The following HAND2 variants were observed in gnomAD, a reference collection of about 807,000 sequenced individuals.
HAND2 encodes the protein heart and neural crest derivatives expressed 2, also known as heart- and neural crest derivatives-expressed protein 2.
A neutral mutation model predicts 14.7 loss-of-function variants in HAND2; 2 were observed. The observed-to-expected ratio is 0.14, with a 90% CI of 0.06 to 0.43. The LOEUF (loss-of-function observed/expected upper bound fraction) is 0.43, where lower values mean the gene tolerates loss of function less well. Among genes scored for constraint, HAND2 ranks in the 20% least tolerant of loss-of-function variants. HAND2 has a pLI of 0.99. For synonymous variants in HAND2, 162 were observed against 135.9 expected (o/e 1.19, Z -1.34); for missense variants, 275 against 313.6 (o/e 0.88, Z 0.93).
Position 173,527,190 on chromosome 4 carries a change from C to T in HAND2, c.*87G>A, listed in dbSNP as rs747041178. 8 of 854,816 alleles carry T rather than the reference C, an allele frequency of 9.4e-6. No individual in the cohort carries two copies. The highest frequency in any genetic ancestry group is 1.4e-5 in the Non-Finnish European group (7 of 498,756). 53.0% of individuals were successfully genotyped at this position (854,816 alleles called of 1,614,324 possible). A position where few individuals can be genotyped will look rare whatever the true frequency, so the allele number is the denominator to read the frequency against. On this transcript the variant is annotated 3_prime_UTR_variant, in exon 2 of 2. Transcript: ENST00000359562. ...TGCAAGGAGTCCTCAGAGCGGAGCGCGGACGGCTTTTCCGGAGTCCTGGGT... is the reference window on the plus strand; with the variant it reads ...TGCAAGGAGTCCTCAGAGCGGAGCGTGGACGGCTTTTCCGGAGTCCTGGGT...
In HAND2 at chr4:173,528,753, C is replaced by G; in HGVS notation, c.537G>C (p.Glu179Asp). ...AEIKKTDVKE[E>D]KRKKELNEIL... ...TACTGACCAGCTCCTTCTTCCTCTT[C>G]TCCTCTTTCACGTCGGTCTTCTTGA... Residue 179 changes from glutamate (E) to aspartate (D), a missense_variant, in exon 1 of 2, where the codon GAG becomes GAC. This residue lies in a region of HAND2 where 54 missense variants were observed against 54.3 expected (regional missense o/e 0.99). Transcript: ENST00000359562. The surrounding 1 kb of genome is among the most constrained non-coding windows in gnomAD (Gnocchi z 5.6). 6.2e-7 allele frequency: 1 copy of G among 1,613,964 alleles called. No homozygotes were observed. The highest frequency in any genetic ancestry group is 8.5e-7 in the Non-Finnish European group (1 of 1,179,916).
rs1392225117 is a variant in HAND2 at position 173,529,347 on chromosome 4, G to T, written c.-58C>A. ...GTGCGCGCAGCCCCGCCGCGCCCTC[G>T]GCCCGGGCCCCTGCCTCAGCGCTCG... On this transcript the variant is annotated 5_prime_UTR_variant, in exon 1 of 2. Coordinates refer to ENST00000359562, the MANE Select transcript of HAND2 (RefSeq NM_021973.3). 7 of 1,214,020 alleles carry T rather than the reference G, an allele frequency of 5.8e-6. No homozygotes were observed. The highest frequency in any genetic ancestry group is 7.2e-6 in the Non-Finnish European group (7 of 972,604). 75.2% of individuals were successfully genotyped at this position (1,214,020 alleles called of 1,614,324 possible).
Position 173,526,948 on chromosome 4 carries a change from G to T in HAND2, c.*329C>A, listed in dbSNP as rs1335506403. On this transcript the variant is annotated 3_prime_UTR_variant, in exon 2 of 2. Coordinates refer to ENST00000359562, the MANE Select transcript of HAND2 (RefSeq NM_021973.3). ...AGTAGGTTGGCGGGGGGCAACGCTG[G>T]TGTCTACACAGCCAAGAGGGAACAT... 7 of 546,998 alleles carry T rather than the reference G, an allele frequency of 1.3e-5. No homozygotes were observed. Among genetic ancestry groups the T allele is most frequent in the Non-Finnish European group, 2.1e-5 (6 of 285,906 alleles). 33.9% of individuals were successfully genotyped at this position (546,998 alleles called of 1,614,324 possible).
Position 173,526,290 on chromosome 4 carries a change from G to A in HAND2, c.*987C>T, listed in dbSNP as rs1731450873. On this transcript the variant is annotated 3_prime_UTR_variant, in exon 2 of 2. Transcript: ENST00000359562. ...CCTTCTGAGCGAACTGCCGGACTGG[G>A]TTCTCCAGCCCAGATCTTCCTTCTA... The A allele has an allele frequency of 2.0e-5, 3 of 152,238 alleles. No individual in the cohort carries two copies. The highest frequency in any genetic ancestry group is 4.8e-5 in the African/African-American group (2 of 41,430). 9.4% of individuals were successfully genotyped at this position (152,238 alleles called of 1,614,324 possible). A position where few individuals can be genotyped will look rare whatever the true frequency, so the allele number is the denominator to read the frequency against.
chr4:173,529,162 A>C lies in HAND2; in HGVS notation c.128T>G (p.Phe43Cys), dbSNP rs756686416. 1.4e-6 allele frequency: 2 copies of C among 1,475,378 alleles called. No individual in the cohort carries two copies. Among genetic ancestry groups the C allele is most frequent in the Admixed American group, 5.5e-5 (2 of 36,344 alleles). 91.4% of individuals were successfully genotyped at this position (1,475,378 alleles called of 1,614,324 possible). A position where few individuals can be genotyped will look rare whatever the true frequency, so the allele number is the denominator to read the frequency against. The change falls in exon 1 of 2, where the codon TTC becomes TGC. Residue 43 changes from phenylalanine to cysteine, a missense_variant. Phe to Cys is a radical substitution (Grantham distance 205). Transcript: ENST00000359562. The part of the protein sequence containing the change: ...SRCSHEENPY[F>C]HGWLIGHPEM... Reference sequence around the variant, plus strand: ...GGGGTGGCCGATGAGCCAGCCATGGAAGTAGGGGTTCTCCTCATGGCTGCA... The same window carrying C: ...GGGGTGGCCGATGAGCCAGCCATGGCAGTAGGGGTTCTCCTCATGGCTGCA...
chr4:173,526,772 A>T lies in HAND2; in HGVS notation c.*505T>A, dbSNP rs1291714909. 1 of 355,080 alleles carries T rather than the reference A, an allele frequency of 2.8e-6. No individual in the cohort carries two copies. Among genetic ancestry groups the T allele is most frequent in the East Asian group, 7.4e-5 (1 of 13,572 alleles). The allele number at this position is 355,080 out of a possible 1,614,324, so 22.0% of individuals were successfully genotyped here. ...ACCACAGATGAATGGATAGCACTAG[A>T]TACCGACCCCAACGGAAATGTTAGC... On this transcript the variant is annotated 3_prime_UTR_variant, in exon 2 of 2. Coordinates refer to ENST00000359562, the MANE Select transcript of HAND2 (RefSeq NM_021973.3).
rs908341925 is a variant in HAND2, at chr4:173,528,318, T to C, written c.555+417A>G. On this transcript the variant is annotated intron_variant, in intron 1 of 1. Transcript: ENST00000359562. The surrounding 1 kb of genome is among the most constrained non-coding windows in gnomAD (Gnocchi z 5.6). ...GGGGGTGCGATCAATAGTGAAATAA[T>C]TGGAATCAAGGGCTTCTTCGAGACT... is the stretch of plus-strand genomic sequence containing the variant. 3 of 195,600 alleles carry C rather than the reference T, an allele frequency of 1.5e-5. No individual in the cohort carries two copies. The highest frequency in any genetic ancestry group is 1.1e-4 in the Admixed American group (2 of 18,330). 12.1% of individuals were successfully genotyped at this position (195,600 alleles called of 1,614,324 possible).
At chr4:173,527,413 G>T in intron 1 of HAND2, 38 bp from the exon 2 acceptor site, 1 of 1,354,090 alleles carries the variant, frequency 7.4e-7, no homozygotes, top group South Asian at 1.2e-5. Context: ...AAAGTGGAAA[G>T]AGAAATTCAG....
Position 173,528,867 on chromosome 4 carries a change from C to T in HAND2, c.423G>A (p.Leu141=). 1 of 1,614,180 alleles carries T rather than the reference C, an allele frequency of 6.2e-7. No homozygotes were observed. The highest frequency in any genetic ancestry group is 8.5e-7 in the Non-Finnish European group (1 of 1,180,032). ...ADTKLSKIKT[L]RLATSYIAYL... ...AGGCGATGTAGCTGGTGGCCAGGCG[C>T]AGGGTCTTGATTTTGGAGAGTTTGG... is the stretch of plus-strand genomic sequence containing the variant. The change falls in exon 1 of 2, where the codon CTG becomes CTA. Residue 141 remains leucine, a synonymous_variant. Transcript: ENST00000359562. The surrounding 1 kb of genome is among the most constrained non-coding windows in gnomAD (Gnocchi z 5.6).
At position 173,526,977 on chromosome 4, in the gene HAND2, C is replaced by T. The variant is rs1184903623; in HGVS notation, c.*300G>A. 4 of 582,446 alleles carry T rather than the reference C, an allele frequency of 6.9e-6. No homozygotes were observed. The highest frequency in any genetic ancestry group is 6.5e-5 in the Admixed American group (3 of 46,162). The allele number at this position is 582,446 out of a possible 1,614,324, so 36.1% of individuals were successfully genotyped here. A position where few individuals can be genotyped will look rare whatever the true frequency, so the allele number is the denominator to read the frequency against. ...CTACACAGCCAAGAGGGAACATTCA[C>T]GCACACAGAATCTATGAGACGACGG... On this transcript the variant is annotated 3_prime_UTR_variant, in exon 2 of 2. Transcript: ENST00000359562.
rs965767636 is a variant in HAND2 at position 173,526,108 on chromosome 4, C to A, written c.*1169G>T. On this transcript the variant is annotated 3_prime_UTR_variant, in exon 2 of 2. Coordinates refer to ENST00000359562, the MANE Select transcript of HAND2 (RefSeq NM_021973.3). ...TTTTTTTTTTCTTGGATGAAAGCCC[C>A]ATAGTTTGAATTAAACACCCCAGAC... is the stretch of plus-strand genomic sequence containing the variant. The A allele has an allele frequency of 2.6e-5, 4 of 151,720 alleles. No individual in the cohort carries two copies. Among genetic ancestry groups the A allele is most frequent in the Non-Finnish European group, 5.9e-5 (4 of 67,950 alleles). The allele number at this position is 151,720 out of a possible 1,614,324, so 9.4% of individuals were successfully genotyped here.
chr4:173,527,735 C>T (rs1731503338), intron 1 of HAND2: 1 of 254,452 alleles, frequency 3.9e-6, no homozygotes, highest in African/African-American at 2.3e-5. Flanking sequence ...ATCCTAGATC[C>T]ACATCTAGGA....
In HAND2 at chr4:173,529,556, GGCC is replaced by G. The variant is rs930983811; in HGVS notation, c.-270_-268del. 16 of 153,852 alleles carry G rather than the reference GGCC, an allele frequency of 1.0e-4. No homozygotes were observed. Among genetic ancestry groups the G allele is most frequent in the South Asian group, 1.8e-4 (1 of 5,654 alleles). The allele number at this position is 153,852 out of a possible 1,614,324, so 9.5% of individuals were successfully genotyped here. On this transcript the variant is annotated 5_prime_UTR_variant, in exon 1 of 2. Transcript: ENST00000359562. ...GCTGGTCCTGGCACCGTGCGCCCCT[GGCC>G]GCCGCCGCCGCCGCCTCCGGTTCCC... is the stretch of plus-strand genomic sequence containing the variant.
Position 173,529,967 on chromosome 4 carries a change from G to A in HAND2, c.-678C>T, listed in dbSNP as rs926973132. 1 of 151,978 alleles carries A rather than the reference G, an allele frequency of 6.6e-6. No individual in the cohort carries two copies. The highest frequency in any genetic ancestry group is 2.4e-5 in the African/African-American group (1 of 41,348). 9.4% of individuals were successfully genotyped at this position (151,978 alleles called of 1,614,324 possible). On this transcript the variant is annotated 5_prime_UTR_variant, in exon 1 of 2. Transcript: ENST00000359562. Reference sequence around the variant, plus strand: ...GGTCCTTAAATGTGATTTTAGCTGCGAGTAACGTGTCCTCGCTCCTCTCGC... The same window carrying A: ...GGTCCTTAAATGTGATTTTAGCTGCAAGTAACGTGTCCTCGCTCCTCTCGC...
In HAND2 at chr4:173,528,815, C is replaced by T. The variant is rs369169952; in HGVS notation, c.475G>A (p.Asp159Asn). 2.5e-6 allele frequency: 4 copies of T among 1,614,200 alleles called. No individual in the cohort carries two copies. Among genetic ancestry groups the T allele is most frequent in the Admixed American group, 1.7e-5 (1 of 60,030 alleles). The change falls in exon 1 of 2, where the codon GAC (aspartate) becomes AAC (asparagine). Residue 159 changes from aspartate to asparagine, a missense_variant. Asp to Asn is a conservative substitution (Grantham distance 23, BLOSUM62 1). This residue lies in a region of HAND2 where 54 missense variants were observed against 54.3 expected (regional missense o/e 0.99). Coordinates refer to ENST00000359562, the MANE Select transcript of HAND2 (RefSeq NM_021973.3). This position sits in a 1 kb window ranked among gnomAD's most constrained non-coding sequence, Gnocchi z 5.6. ...AAGGCCTCCGCCTCGCCATTCTGGT[C>T]GTCCTTGGCCAGCAGGTCCATGAGG... ...AYLMDLLAKD[D>N]QNGEAEAFKA... is the part of the protein sequence containing the mutation.
rs896779887 is a variant in HAND2 at position 173,529,260 on chromosome 4, G to A, written c.30C>T (p.His10=). 1.5e-6 allele frequency: 2 copies of A among 1,374,340 alleles called. No individual in the cohort carries two copies. Among genetic ancestry groups the A allele is most frequent in the African/African-American group, 3.1e-5 (2 of 65,188 alleles). The allele number at this position is 1,374,340 out of a possible 1,614,324, so 85.1% of individuals were successfully genotyped here. The stretch of plus-strand genomic sequence containing the variant: ...GGTAGCCCTCGTGGTGCACCACCGG[G>A]TGGTGGGGAAAACCACCTACCAGAC... MSLVGGFPH[H]PVVHHEGYPF... The change falls in exon 1 of 2, where the codon CAC becomes CAT. Residue 10 remains histidine, a synonymous_variant. Transcript: ENST00000359562.
In HAND2 at chr4:173,529,267, G is replaced by T. The variant is rs2110907172; in HGVS notation, c.23C>A (p.Pro8His). The T allele has an allele frequency of 7.3e-7, 1 of 1,367,370 alleles. No individual in the cohort carries two copies. The highest frequency in any genetic ancestry group is 9.4e-7 in the Non-Finnish European group (1 of 1,069,276). The allele number at this position is 1,367,370 out of a possible 1,614,324, so 84.7% of individuals were successfully genotyped here. The change falls in exon 1 of 2, where the codon CCC (proline) becomes CAC (histidine). Residue 8 changes from proline to histidine, a missense_variant. Coordinates refer to ENST00000359562, the MANE Select transcript of HAND2 (RefSeq NM_021973.3). ...CTCGTGGTGCACCACCGGGTGGTGGGGAAAACCACCTACCAGACTCATTTC... is the reference window on the plus strand; with the variant it reads ...CTCGTGGTGCACCACCGGGTGGTGGTGAAAACCACCTACCAGACTCATTTC... MSLVGGF[P>H]HHPVVHHEGY...
chr4:173,528,864 G>A lies in HAND2; in HGVS notation c.426C>T (p.Arg142=), dbSNP rs781723948. 12 of 1,614,088 alleles carry A rather than the reference G, an allele frequency of 7.4e-6. No homozygotes were observed. In the East Asian group the frequency reaches 2.5e-4, roughly 33 times the overall value. ...GGTAGGCGATGTAGCTGGTGGCCAG[G>A]CGCAGGGTCTTGATTTTGGAGAGTT... ...DTKLSKIKTL[R]LATSYIAYLM... Residue 142 remains arginine (R), a synonymous_variant, in exon 1 of 2, where the codon CGC becomes CGT. Coordinates refer to ENST00000359562, the MANE Select transcript of HAND2 (RefSeq NM_021973.3). This position sits in a 1 kb window ranked among gnomAD's most constrained non-coding sequence, Gnocchi z 5.6.
At position 173,529,228 on chromosome 4, in the gene HAND2, G is replaced by C. The variant is rs1439012129; in HGVS notation, c.62C>G (p.Ala21Gly). 1.4e-6 allele frequency: 2 copies of C among 1,420,278 alleles called. No homozygotes were observed. Among genetic ancestry groups the C allele is most frequent in the East Asian group, 5.8e-5 (2 of 34,616 alleles). The allele number at this position is 1,420,278 out of a possible 1,614,324, so 88.0% of individuals were successfully genotyped here. ...GGCGGCAGCTGCGGCGGCGGCGGCG[G>C]CAAACGGGTAGCCCTCGTGGTGCAC... ...PVVHHEGYPF[A>G]AAAAAAAAAA... The change falls in exon 1 of 2, where the codon GCC (alanine) becomes GGC (glycine). Residue 21 changes from alanine (A) to glycine (G), a missense_variant. Physicochemically the swap from Ala to Gly is moderately conservative, Grantham distance 60. Coordinates refer to ENST00000359562, the MANE Select transcript of HAND2 (RefSeq NM_021973.3).
Sources: allele counts gnomAD v4.1 joint callset, GRCh38; gene constraint gnomAD v4.1.1; regional missense constraint gnomAD v4.1.1; non-coding constraint Gnocchi (gnomAD v3.1); transcripts MANE v1.5; gene names NCBI Gene and HGNC (gene_info 2026-07-23, HGNC 2026-07-21).